Variants in GLYATL2 observed in about 807,000 individuals in gnomAD.
GLYATL2 encodes glycine-N-acyltransferase like 2, also known as glycine N-acyltransferase-like protein 2.
A neutral mutation model predicts 21.4 loss-of-function variants in GLYATL2; 25 were observed. That is an observed-to-expected ratio of 1.17 (90% CI 0.85 to 1.63). GLYATL2 has a LOEUF of 1.63. Ranked by LOEUF, GLYATL2 falls within the 40% of genes most tolerant of loss-of-function variation. The pLI is 0.00. For missense variants in GLYATL2, 361 were observed against 343.3 expected (o/e 1.05, Z -0.41); for synonymous variants, 114 against 118.2 (o/e 0.96, Z 0.23).
intron 1 of GLYATL2, among the ~76,000 whole-genome samples, chr11:58,875,093 C>G (rs574886520): frequency 1.6e-4 from 24 of 152,280 alleles, no homozygotes; most frequent in African/African-American, 5.5e-4. Flanking sequence ...TCTGTTTTAT[C>G]AGAGACTAGG....
Position 58,885,918 on chromosome 11 carries a change from A to G in GLYATL2, n.60+18238T>C, listed in dbSNP as rs111890765. The stretch of plus-strand genomic sequence containing the variant: ...AAAACCAAGGCAGATGTCTACCAGT[A>G]AAATTACCTCTCAGGGCCAAGCATG... On this transcript the variant is annotated intron_variant and non_coding_transcript_variant, in intron 1 of 4. Transcript: ENST00000533636. Among the ~76,000 whole-genome samples the G allele has an allele frequency of 9.3e-4, 142 of 152,316 alleles. 1 individual carries two copies. The highest frequency in any genetic ancestry group is 3.0e-3 in the African/African-American group (124 of 41,568).
rs148864811 is a variant in GLYATL2, at chr11:58,886,707, T to G, written n.60+17449A>C. Among the ~76,000 whole-genome samples the G allele has an allele frequency of 6.7e-3, 1,019 of 152,326 alleles. 4 individuals carry two copies. The highest frequency in any genetic ancestry group is 0.011 in the Non-Finnish European group (731 of 68,030). On this transcript the variant is annotated intron_variant and non_coding_transcript_variant, in intron 1 of 4. Coordinates refer to the GLYATL2 transcript ENST00000533636. Reference sequence around the variant, plus strand: ...TAATACAAACCTAGGTCTATTTTTTTGTCCTAAAGACTCCCCCTTTTTTGT... The same window carrying G: ...TAATACAAACCTAGGTCTATTTTTTGGTCCTAAAGACTCCCCCTTTTTTGT...
rs556841810 is a variant in GLYATL2 at position 58,868,981 on chromosome 11, G to A, written n.61-30613C>T. Among the ~76,000 whole-genome samples the A allele has an allele frequency of 1.4e-3, 185 of 134,018 alleles. 3 individuals are homozygous for A. The highest frequency in any genetic ancestry group is 4.3e-3 in the African/African-American group (172 of 40,078). The allele number at this position is 134,018 out of a possible 152,430, so 87.9% of individuals were successfully genotyped here. A position where few individuals can be genotyped will look rare whatever the true frequency, so the allele number is the denominator to read the frequency against. On this transcript the variant is annotated intron_variant and non_coding_transcript_variant, in intron 1 of 4. Transcript: ENST00000533636. The stretch of plus-strand genomic sequence containing the variant: ...TATGGACACTCTTGGGGAGTTGTTC[G>A]TCATTTTGTGTGTGTCCAGGCAAGT...
In GLYATL2 at chr11:58,844,693, T is replaced by C. The variant is rs1853612941; in HGVS notation, c.-300A>G. ...AATATGTTCCATATTGAGCAGCTTC[T>C]ACAATTCTAAGAAGTTTTACTCAAG... On this transcript the variant is annotated 5_prime_UTR_variant, in exon 1 of 6. Coordinates refer to ENST00000287275, the MANE Select transcript of GLYATL2 (RefSeq NM_145016.4). The C allele has an allele frequency of 6.6e-6, 1 of 152,260 alleles. No homozygotes were observed. The highest frequency in any genetic ancestry group is 1.5e-5 in the Non-Finnish European group (1 of 68,050). The allele number at this position is 152,260 out of a possible 1,614,324, so 9.4% of individuals were successfully genotyped here.
At position 58,902,141 on chromosome 11, in the gene GLYATL2, AC is replaced by A. The variant is rs369104149; in HGVS notation, n.60+2014del. 5.2e-3 allele frequency among the ~76,000 whole-genome samples: 798 copies of A among 152,020 alleles called. 6 individuals carry two copies. Among genetic ancestry groups the A allele is most frequent in the Non-Finnish European group, 6.8e-3 (465 of 67,966 alleles). On this transcript the variant is annotated intron_variant and non_coding_transcript_variant, in intron 1 of 4. Coordinates refer to the GLYATL2 transcript ENST00000533636. The stretch of plus-strand genomic sequence containing the variant: ...CTAAGCTGTTGCTGGAGGCTTAGAG[AC>A]CCCATTTCAGCTATCTATCAATAGG...
At chr11:58,838,441 A>G in intron 2 of GLYATL2, 73 bp from the exon 3 acceptor site, 1 of 945,210 alleles carries the variant, frequency 1.1e-6, no homozygotes, top group Non-Finnish European at 1.6e-6. Context: ...GTGGAGAAAT[A>G]AGACATGACA....
intron 1 of GLYATL2, among the ~76,000 whole-genome samples, chr11:58,840,337 T>G (rs1421855042): frequency 1.3e-5 from 2 of 152,110 alleles, no homozygotes; most frequent in Non-Finnish European, 2.9e-5. Flanking sequence ...TGTTTAAGGA[T>G]GTAAACATAA....
intron 1 of GLYATL2, among the ~76,000 whole-genome samples, chr11:58,880,773 T>G (rs1854319453): frequency 6.6e-6 from 1 of 152,200 alleles, no homozygotes; most frequent in African/African-American, 2.4e-5. Flanking sequence ...ATTCAAACAT[T>G]CTGAAATTCT....
chr11:58,869,941 A>G (rs895668032), intron 1 of GLYATL2, among the ~76,000 whole-genome samples: 1 of 152,144 alleles, frequency 6.6e-6, no homozygotes, highest in Non-Finnish European at 1.5e-5. Context: ...GCATCTCTAT[A>G]AAATGAAAAT....
At chr11:58,881,272 T>C (rs969241995) in intron 1 of GLYATL2, among the ~76,000 whole-genome samples, 1 of 152,172 alleles carries the variant, frequency 6.6e-6, no homozygotes, top group African/African-American at 2.4e-5. Context: ...TCTGATTCAT[T>C]AAACAACTTA....
intron 1 of GLYATL2, among the ~76,000 whole-genome samples, chr11:58,885,254 C>G (rs1854415427): frequency 6.6e-6 from 1 of 152,188 alleles, no homozygotes. Flanking sequence ...TCTGTGAGTT[C>G]TGCCTGCTTG....
At chr11:58,853,183 G>C (rs553346416) in intron 1 of GLYATL2, among the ~76,000 whole-genome samples, 1 of 152,208 alleles carries the variant, frequency 6.6e-6, no homozygotes, top group South Asian at 2.1e-4. Context: ...TTGTTTGAAG[G>C]ATTTGGGGCA....
At chr11:58,863,161 G>A (rs773529463) in intron 1 of GLYATL2, among the ~76,000 whole-genome samples, 6 of 152,076 alleles carry the variant, frequency 3.9e-5, no homozygotes, top group Non-Finnish European at 7.4e-5. Context: ...TAAAACCAAT[G>A]TCTATAAAGG....
In GLYATL2 at chr11:58,869,994, G is replaced by A. The variant is rs1240889411; in HGVS notation, n.61-31626C>T. On this transcript the variant is annotated intron_variant and non_coding_transcript_variant, in intron 1 of 4. Coordinates refer to the GLYATL2 transcript ENST00000533636. ...ATAGTGATTCATGCCTGTAGTCCCA[G>A]CTAATCCGGAGACTGAGGTGGGAAG... Among the ~76,000 whole-genome samples the A allele has an allele frequency of 2.0e-5, 3 of 152,110 alleles. No individual in the cohort carries two copies. In the South Asian group the frequency reaches 6.2e-4, roughly 32 times the overall value.
upstream of GLYATL2, chr11:58,905,476 A>G (rs907420018): frequency 1.8e-5 from 8 of 456,252 alleles, 2 homozygotes; most frequent in Admixed American, 2.3e-5. Context: ...TTGGCGGGCT[A>G]TTCCCCTTGC....
At position 58,888,811 on chromosome 11, in the gene GLYATL2, T is replaced by G. The variant is rs149651466; in HGVS notation, n.60+15345A>C. Among the ~76,000 whole-genome samples the G allele has an allele frequency of 2.3e-3, 346 of 152,062 alleles. 3 individuals carry two copies. Among genetic ancestry groups the G allele is most frequent in the African/African-American group, 7.0e-3 (291 of 41,574 alleles). ...TTGTACATTATGCAATGTACACAAT[T>G]GCATAATGTACAACCTAAGAAAGTT... On this transcript the variant is annotated intron_variant and non_coding_transcript_variant, in intron 1 of 4. Transcript: ENST00000533636.
chr11:58,885,616 G>C (rs1590747534), intron 1 of GLYATL2: 1 of 305,408 alleles, frequency 3.3e-6, no homozygotes, highest in East Asian at 7.8e-5. Context: ...TCAGACACCA[G>C]GGCTGCTTTT....
chr11:58,869,759 A>C (rs1854084882), intron 1 of GLYATL2, among the ~76,000 whole-genome samples: 1 of 152,248 alleles, frequency 6.6e-6, no homozygotes, highest in South Asian at 2.1e-4. Flanking sequence ...GATAGCATTA[A>C]AATTATTGTA....
At chr11:58,892,384 G>A (rs1473706987) in intron 1 of GLYATL2, 1 of 153,202 alleles carries the variant, frequency 6.5e-6, no homozygotes, top group African/African-American at 2.4e-5. Context: ...CTCAAATTGA[G>A]TCTTCAGCTA....
Sources: allele counts gnomAD v4.1 joint callset (sites outside exome capture counted in the v4.1 genomes callset), GRCh38; gene constraint gnomAD v4.1.1; transcripts MANE v1.5; gene names NCBI Gene and HGNC (gene_info 2026-07-23, HGNC 2026-07-21).